ASIC2: variants seen among roughly 807,000 people sequenced by gnomAD.
The protein encoded by ASIC2 is acid-sensing ion channel 2.
In ASIC2, 25 loss-of-function variants were observed where a neutral mutation model predicts 57.3. The ratio of observed to expected loss-of-function variants is 0.44; its 90% CI spans 0.32 to 0.61. The LOEUF is 0.61. ASIC2 is among the 20% of genes least tolerant of loss of function. The pLI is 0.06. For missense variants in ASIC2, 641 were observed against 738.1 expected, an observed-to-expected ratio of 0.87 and a Z score of 1.52; for synonymous variants, 319 against 307.5, an observed-to-expected ratio of 1.04 and a Z score of -0.39.
chr17:33,801,093 G>A (rs535592637), intron 1 of ASIC2, among the ~76,000 whole-genome samples: 12 of 152,296 alleles, frequency 7.9e-5, no homozygotes, highest in East Asian at 3.9e-4. Flanking sequence ...AGTCCACTTC[G>A]TCAGAAAGCT....
At chr17:33,287,006 TTATGAATAGTAAC>T (rs1288806262) in intron 1 of ASIC2, among the ~76,000 whole-genome samples, 1 of 152,204 alleles carries the variant, frequency 6.6e-6, no homozygotes, top group African/African-American at 2.4e-5. Context: ...TGAATAGTAA[TTATGAATAGTAAC>T]TATGAATACT....
intron 1 of ASIC2, among the ~76,000 whole-genome samples, chr17:33,223,260 G>A (rs1907751414): frequency 6.6e-6 from 1 of 151,608 alleles, no homozygotes; most frequent in African/African-American, 2.4e-5. Context: ...TCGGCTCACT[G>A]CAACCTCCGC....
chr17:33,778,220 T>C (rs553735094), intron 1 of ASIC2, among the ~76,000 whole-genome samples: 5 of 152,230 alleles, frequency 3.3e-5, no homozygotes, highest in African/African-American at 1.2e-4. Context: ...CTGTGAATAC[T>C]TATAAAAAAA....
intron 1 of ASIC2, among the ~76,000 whole-genome samples, chr17:34,073,858 G>A (rs1319593691): frequency 1.3e-5 from 2 of 152,196 alleles, no homozygotes; most frequent in Non-Finnish European, 2.9e-5. Context: ...CTGTGATGGA[G>A]TAAAGTGAGA....
intron 1 of ASIC2, among the ~76,000 whole-genome samples, chr17:33,221,846 T>G (rs941820069): frequency 1.5e-5 from 2 of 136,068 alleles, no homozygotes; most frequent in Non-Finnish European, 3.2e-5. Flanking sequence ...GGTGATCAGA[T>G]TCCCCTGCTA....
intron 1 of ASIC2, among the ~76,000 whole-genome samples, chr17:33,962,360 G>A (rs746686077): frequency 1.3e-5 from 2 of 152,144 alleles, no homozygotes; most frequent in Non-Finnish European, 2.9e-5. Flanking sequence ...AAAGAGTATA[G>A]TGCCTGGTAC....
chr17:33,294,389 A>G (rs942956456), upstream of ASIC2, among the ~76,000 whole-genome samples: 1 of 151,946 alleles, frequency 6.6e-6, no homozygotes, highest in African/African-American at 2.4e-5. Context: ...CTTTGTAATG[A>G]TGAATTAGGG....
intron 1 of ASIC2, among the ~76,000 whole-genome samples, chr17:34,029,215 T>C (rs1003242967): frequency 3.3e-5 from 5 of 152,186 alleles, no homozygotes; most frequent in African/African-American, 1.2e-4. Flanking sequence ...CTATCTTTCT[T>C]GTCTACATTC....
intron 1 of ASIC2, among the ~76,000 whole-genome samples, chr17:34,124,466 T>C (rs1482318579): frequency 1.3e-5 from 2 of 152,238 alleles, no homozygotes; most frequent in African/African-American, 4.8e-5. Context: ...TATTTATGGC[T>C]CAGACTTCTT....
chr17:33,979,640 C>G (rs898014031), intron 1 of ASIC2, among the ~76,000 whole-genome samples: 3 of 152,144 alleles, frequency 2.0e-5, no homozygotes, highest in Admixed American at 2.0e-4. Context: ...ACCCCTCATA[C>G]AAGAACTCTC....
intron 1 of ASIC2, among the ~76,000 whole-genome samples, chr17:33,418,057 T>TGC: frequency 1.5e-5 from 1 of 64,834 alleles, no homozygotes; most frequent in South Asian, 5.3e-4. Context: ...TGTGTGTGTG[T>TGC]GTGTGTGTGT....
chr17:33,903,784 A>G (rs141624188), intron 1 of ASIC2, among the ~76,000 whole-genome samples: 265 of 152,360 alleles, frequency 1.7e-3, no homozygotes, highest in African/African-American at 6.0e-3. Context: ...AAGGGGCTTA[A>G]TACAGAGTCA....
intron 1 of ASIC2, among the ~76,000 whole-genome samples, chr17:33,949,566 T>A (rs1904493962): frequency 6.6e-6 from 1 of 152,230 alleles, no homozygotes; most frequent in Non-Finnish European, 1.5e-5. Context: ...TTCCAAGGAA[T>A]CAAAAGAATT....
chr17:33,578,579 G>A lies in ASIC2; in HGVS notation c.556-466512C>T, dbSNP rs572557065. Among the ~76,000 whole-genome samples the A allele has an allele frequency of 3.3e-5, 5 of 152,194 alleles. No homozygotes were observed. In the East Asian group the frequency reaches 7.7e-4, roughly 23 times the overall value. ...AAAAAGTTCAAACAAGTTTCCTTAG[G>A]GAAGCCTTTGCCTATTCTTGGGAAG... On this transcript the variant is annotated intron_variant, in intron 1 of 9. Coordinates refer to the ASIC2 transcript ENST00000359872.
chr17:33,753,409 G>A (rs1910495348), intron 1 of ASIC2, among the ~76,000 whole-genome samples: 1 of 152,180 alleles, frequency 6.6e-6, no homozygotes, highest in South Asian at 2.1e-4. Flanking sequence ...TCATACATTT[G>A]TCAAAACCCA....
At chr17:33,707,274 TTTAA>T (rs1908891389) in intron 1 of ASIC2, among the ~76,000 whole-genome samples, 1 of 152,184 alleles carries the variant, frequency 6.6e-6, no homozygotes, top group African/African-American at 2.4e-5. Context: ...ACCTATAACC[TTTAA>T]TTATGGCAAA....
rs568806291 is a variant in ASIC2 at position 33,436,889 on chromosome 17, G to A, written c.556-324822C>T. On this transcript the variant is annotated intron_variant, in intron 1 of 9. Coordinates refer to the ASIC2 transcript ENST00000359872. Reference sequence around the variant, plus strand: ...TTTTTTTTTTTTTTTTTTTTGAGACGGAGTCTCGCTCTGTCGCCCAGGCTG... The same window carrying A: ...TTTTTTTTTTTTTTTTTTTTGAGACAGAGTCTCGCTCTGTCGCCCAGGCTG... Among the ~76,000 whole-genome samples, 337 of 94,920 alleles carry A rather than the reference G, an allele frequency of 3.6e-3. 1 individual carries two copies. Among genetic ancestry groups the A allele is most frequent in the African/African-American group, 0.014 (321 of 22,542 alleles). 62.3% of individuals were successfully genotyped at this position (94,920 alleles called of 152,430 possible). A position where few individuals can be genotyped will look rare whatever the true frequency, so the allele number is the denominator to read the frequency against.
chr17:34,084,722 C>A (rs1186174661), intron 1 of ASIC2, among the ~76,000 whole-genome samples: 5 of 152,102 alleles, frequency 3.3e-5, no homozygotes, highest in Non-Finnish European at 4.4e-5. Flanking sequence ...TTTCATTGAG[C>A]AGTGGTTTGT....
intron 1 of ASIC2, among the ~76,000 whole-genome samples, chr17:33,746,069 G>C (rs1910249600): frequency 6.6e-6 from 1 of 151,812 alleles, no homozygotes; most frequent in South Asian, 2.1e-4. Flanking sequence ...TTGGAGTAAA[G>C]AAATGATAAC....
Sources: allele counts gnomAD v4.1 joint callset (sites outside exome capture counted in the v4.1 genomes callset), GRCh38; gene constraint gnomAD v4.1.1; transcripts MANE v1.5; gene names NCBI Gene and HGNC (gene_info 2026-07-23, HGNC 2026-07-21).